The following LPP variants were observed in gnomAD, a reference collection of about 807,000 sequenced individuals.
The protein encoded by LPP is LIM domain containing preferred translocation partner in lipoma.
A neutral mutation model predicts 60.4 loss-of-function variants in LPP; 38 were observed. The ratio of observed to expected loss-of-function variants is 0.63; its 90% CI spans 0.49 to 0.83. LPP has a LOEUF of 0.83. LPP is among the 40% of genes least tolerant of loss of function. The probability of loss-of-function intolerance (pLI) is 0.00; values close to 1 mark genes in which losing one functional copy is unlikely to be tolerated. For missense variants in LPP, 902 were observed against 783.6 expected (o/e 1.15, Z -1.80); for synonymous variants, 328 against 290.8 (o/e 1.13, Z -1.30).
chr3:188,864,479 A>C (rs1219978745), intron 9 of LPP, among the ~76,000 whole-genome samples: 2 of 152,270 alleles, frequency 1.3e-5, no homozygotes, highest in Non-Finnish European at 2.9e-5. Flanking sequence ...GGTAGAGGAA[A>C]TAGACATAAG....
chr3:188,308,888 C>G lies in LPP; in HGVS notation c.-66-32775C>G, dbSNP rs75571213. On this transcript the variant is annotated intron_variant, in intron 2 of 11. Transcript: ENST00000617246. ...TGTTCTTGTTCTCGTTCTCGTTCTC[C>G]TTCTCCTACTCCTTCTCCTTCTTCT... Among the ~76,000 whole-genome samples, 259 of 151,784 alleles carry G rather than the reference C, an allele frequency of 1.7e-3. 1 individual carries two copies. Among genetic ancestry groups the G allele is most frequent in the Middle Eastern group, 6.8e-3 (2 of 294 alleles).
chr3:188,250,736 T>TTCTC (rs1439901236), intron 2 of LPP, among the ~76,000 whole-genome samples: 4 of 81,714 alleles, frequency 4.9e-5, no homozygotes, highest in Non-Finnish European at 1.0e-4. Flanking sequence ...CTTTCTTTCT[T>TTCTC]TCTTTCTTTC....
In LPP at chr3:188,352,894, C is replaced by T. The variant is rs1766347677; in HGVS notation, c.-10+11175C>T. 6.6e-6 allele frequency among the ~76,000 whole-genome samples: 1 copy of T among 152,220 alleles called. No homozygotes were observed. The highest frequency in any genetic ancestry group is 2.1e-4 in the South Asian group (1 of 4,836). On this transcript the variant is annotated intron_variant, in intron 3 of 11. Transcript: ENST00000617246. The surrounding 1 kb of genome is among the most constrained non-coding windows in gnomAD (Gnocchi z 4.4). ...CCCAGAGTAAATGGCCAAGGTGCCA[C>T]TAACATGTCCATCCACAGAAACTTT... is the stretch of plus-strand genomic sequence containing the variant.
intron 2 of LPP, among the ~76,000 whole-genome samples, chr3:188,284,018 C>T (rs1337848984): frequency 6.6e-6 from 1 of 151,876 alleles, no homozygotes; most frequent in African/African-American, 2.4e-5. Flanking sequence ...AAAAAGAGCT[C>T]CTCCTATGAA....
chr3:188,524,175 C>G (rs1819807711), intron 5 of LPP, among the ~76,000 whole-genome samples: 1 of 152,180 alleles, frequency 6.6e-6, no homozygotes, highest in African/African-American at 2.4e-5. Flanking sequence ...ACATGCATAC[C>G]TAATACCCCC....
In LPP at chr3:188,826,550, C is replaced by T. The variant is rs1208104995; in HGVS notation, c.1411-39650C>T. Among the ~76,000 whole-genome samples, 9 of 152,148 alleles carry T rather than the reference C, an allele frequency of 5.9e-5. No homozygotes were observed. In the South Asian group the frequency reaches 6.2e-4, roughly 10 times the overall value. ...CTCTAGGCCATCCATGGTCTTACCC[C>T]ATGGGTTCCTCTAACTCCCTTCATC... is the stretch of plus-strand genomic sequence containing the variant. On this transcript the variant is annotated intron_variant, in intron 9 of 11. Coordinates refer to ENST00000617246, the MANE Select transcript of LPP (RefSeq NM_001375462.1).
intron 3 of LPP, among the ~76,000 whole-genome samples, chr3:188,361,650 T>C (rs1421935206): frequency 6.7e-6 from 1 of 149,484 alleles, no homozygotes; most frequent in East Asian, 2.0e-4. Context: ...CACTGCAACC[T>C]CCACCTCCCG....
intron 1 of LPP, among the ~76,000 whole-genome samples, chr3:188,157,613 G>A (rs921001175): frequency 6.6e-6 from 1 of 152,142 alleles, no homozygotes; most frequent in Non-Finnish European, 1.5e-5. Flanking sequence ...AAACTGGCTT[G>A]GCCCTGAGCG....
intron 7 of LPP, among the ~76,000 whole-genome samples, chr3:188,661,466 G>A (rs997701444): frequency 1.3e-5 from 2 of 152,184 alleles, no homozygotes; most frequent in South Asian, 2.1e-4. Context: ...TGCAATGAAT[G>A]CGTGTTCCTG....
intron 8 of LPP, among the ~76,000 whole-genome samples, chr3:188,726,031 G>A (rs1346026940): frequency 6.6e-6 from 1 of 152,114 alleles, no homozygotes; most frequent in Non-Finnish European, 1.5e-5. Flanking sequence ...GATCAAGAGG[G>A]CCTCTTATTT....
chr3:188,283,564 T>G (rs993934236), intron 2 of LPP, among the ~76,000 whole-genome samples: 2 of 152,206 alleles, frequency 1.3e-5, no homozygotes, highest in Non-Finnish European at 2.9e-5. Flanking sequence ...CATGTACTGC[T>G]GACTACTGCT....
intron 9 of LPP, among the ~76,000 whole-genome samples, chr3:188,831,614 A>G (rs1482325504): frequency 6.6e-6 from 1 of 152,206 alleles, no homozygotes; most frequent in Non-Finnish European, 1.5e-5. Context: ...TTCCATGTAC[A>G]CTGCATAGAT....
intron 3 of LPP, among the ~76,000 whole-genome samples, chr3:188,405,879 CTCTT>C (rs72210157): frequency 4.5e-4 from 4 of 8,798 alleles, no homozygotes; most frequent in Non-Finnish European, 1.4e-3. Context: ...CCTCCTCTTT[CTCTT>C]TCTTTCTTTC....
At chr3:188,593,853 C>T (rs1027437030) in intron 6 of LPP, among the ~76,000 whole-genome samples, 1 of 152,108 alleles carries the variant, frequency 6.6e-6, no homozygotes, top group Non-Finnish European at 1.5e-5. Flanking sequence ...GATTGATGGG[C>T]ATTTGGGTTG....
In LPP at chr3:188,217,752, T is replaced by G. The variant is rs1199941095; in HGVS notation, c.-189-7653T>G. Among the ~76,000 whole-genome samples, 2 of 152,144 alleles carry G rather than the reference T, an allele frequency of 1.3e-5. No homozygotes were observed. The highest frequency in any genetic ancestry group is 4.8e-5 in the African/African-American group (2 of 41,428). ...TAGGTGCCCTAGGGGGTTGCCCAGATAAGCAGCTGGCGTTCCAAGACCAAA... is the reference window on the plus strand; with the variant it reads ...TAGGTGCCCTAGGGGGTTGCCCAGAGAAGCAGCTGGCGTTCCAAGACCAAA... On this transcript the variant is annotated intron_variant, in intron 1 of 11. Transcript: ENST00000617246. This position sits in a 1 kb window ranked among gnomAD's most constrained non-coding sequence, Gnocchi z 4.0.
intron 6 of LPP, among the ~76,000 whole-genome samples, chr3:188,582,659 A>C (rs1307797129): frequency 2.0e-5 from 3 of 152,186 alleles, no homozygotes; most frequent in Non-Finnish European, 4.4e-5. Flanking sequence ...AATTGTTTCT[A>C]ACTGCTTATC....
chr3:188,494,770 G>A (rs1179759812), intron 5 of LPP, among the ~76,000 whole-genome samples: 1 of 151,988 alleles, frequency 6.6e-6, no homozygotes, highest in Non-Finnish European at 1.5e-5. Flanking sequence ...CTGGCTTCCT[G>A]CTTACTGGCT....
At chr3:188,498,078 A>T (rs144709763) in intron 5 of LPP, among the ~76,000 whole-genome samples, 49 of 152,220 alleles carry the variant, frequency 3.2e-4, no homozygotes, top group African/African-American at 1.1e-3. Context: ...TTCTGCAACA[A>T]TTGTTCTTTT....
chr3:188,581,868 T>A (rs1409059327), intron 6 of LPP, among the ~76,000 whole-genome samples: 2 of 152,146 alleles, frequency 1.3e-5, no homozygotes, highest in African/African-American at 4.8e-5. Flanking sequence ...CTCACCAGTC[T>A]CTTATATTTC....
Sources: allele counts gnomAD v4.1 joint callset (sites outside exome capture counted in the v4.1 genomes callset), GRCh38; gene constraint gnomAD v4.1.1; non-coding constraint Gnocchi (gnomAD v3.1); transcripts MANE v1.5; gene names NCBI Gene and HGNC (gene_info 2026-07-23, HGNC 2026-07-21).